The following STAG1 variants were observed in gnomAD, a reference collection of about 807,000 sequenced individuals.
STAG1 encodes cohesin subunit SA-1.
STAG1 carries 26 observed loss-of-function variants against 170.9 expected under a neutral mutation model. That is an observed-to-expected ratio of 0.15 (90% confidence interval 0.11 to 0.21). STAG1 has a LOEUF of 0.21. STAG1 is among the 10% of genes least tolerant of loss of function. STAG1 has a pLI of 1.00. For synonymous variants in STAG1, 514 were observed against 497.7 expected, an observed-to-expected ratio of 1.03 and a Z score of -0.44; for missense variants, 964 against 1,509.5, an observed-to-expected ratio of 0.64 and a Z score of 5.99.
intron 1 of STAG1, among the ~76,000 whole-genome samples, chr3:136,727,391 C>T (rs1158588572): frequency 2.0e-5 from 3 of 152,098 alleles, no homozygotes; most frequent in African/African-American, 4.8e-5. Context: ...ACATCTTTGC[C>T]ATATTCTCTG....
In STAG1 at chr3:136,487,102, T is replaced by C. The variant is rs563745179; in HGVS notation, c.903-9690A>G. On this transcript the variant is annotated intron_variant, in intron 9 of 33. Coordinates refer to ENST00000383202, the MANE Select transcript of STAG1 (RefSeq NM_005862.3). ...GTGCCATGGTGGTCTGCTGCACCTA[T>C]TGACCCGTCCTCTAAGTTCCCTCCC... Among the ~76,000 whole-genome samples the C allele has an allele frequency of 1.1e-4, 16 of 150,504 alleles. No individual in the cohort carries two copies. The South Asian group carries it at 2.8e-3, about 26-fold the overall frequency.
chr3:136,505,242 T>C (rs1458906038), intron 7 of STAG1, among the ~76,000 whole-genome samples: 2 of 152,230 alleles, frequency 1.3e-5, no homozygotes, highest in African/African-American at 2.4e-5. Context: ...CATCAGCTCT[T>C]AAGTGGCTTC....
chr3:136,389,119 T>C (rs1225584241), intron 22 of STAG1, among the ~76,000 whole-genome samples: 3 of 152,190 alleles, frequency 2.0e-5, no homozygotes, highest in Admixed American at 6.5e-5. Flanking sequence ...AACATATTTT[T>C]ACAATGTAAT....
At chr3:136,416,048 C>T (rs905145834) in intron 21 of STAG1, among the ~76,000 whole-genome samples, 3 of 151,914 alleles carry the variant, frequency 2.0e-5, no homozygotes, top group African/African-American at 7.3e-5. Flanking sequence ...TTGCTCATCG[C>T]CCAGGCTGGA....
Position 136,420,315 on chromosome 3 carries a change from A to G in STAG1, c.2108+778T>C, listed in dbSNP as rs1415789454. 2.6e-5 allele frequency among the ~76,000 whole-genome samples: 4 copies of G among 152,092 alleles called. No homozygotes were observed. In the East Asian group the frequency reaches 7.7e-4, roughly 29 times the overall value. ...ATAATCATCTAGAGAAAACTGAATA[A>G]AGGAAAAACATATCTCAATATTCTC... On this transcript the variant is annotated intron_variant, in intron 20 of 33. Transcript: ENST00000383202.
intron 12 of STAG1, among the ~76,000 whole-genome samples, chr3:136,468,735 C>G (rs1460415169): frequency 6.6e-6 from 1 of 152,174 alleles, no homozygotes; most frequent in Non-Finnish European, 1.5e-5. Flanking sequence ...CAAATATCCT[C>G]AATAAAATAC....
At chr3:136,447,923 C>A (rs1300916565) in intron 14 of STAG1, among the ~76,000 whole-genome samples, 1 of 152,078 alleles carries the variant, frequency 6.6e-6, no homozygotes, top group Non-Finnish European at 1.5e-5. Context: ...GGCTGCATCA[C>A]ACTTTTTATA....
At chr3:136,667,535 G>C (rs1164044344) in intron 1 of STAG1, among the ~76,000 whole-genome samples, 2 of 152,076 alleles carry the variant, frequency 1.3e-5, no homozygotes, top group Non-Finnish European at 2.9e-5. Flanking sequence ...TTTTCATTTT[G>C]TGCATTTCTG....
At chr3:136,615,873 A>G (rs1939569431) in intron 3 of STAG1, among the ~76,000 whole-genome samples, 1 of 152,212 alleles carries the variant, frequency 6.6e-6, no homozygotes, top group Non-Finnish European at 1.5e-5. Context: ...CAAAGGTAGG[A>G]AGCTAACAGT....
intron 7 of STAG1, among the ~76,000 whole-genome samples, chr3:136,506,680 G>C (rs938556254): frequency 6.7e-6 from 1 of 148,842 alleles, no homozygotes; most frequent in African/African-American, 2.5e-5. Flanking sequence ...AAAAGAAAAA[G>C]AATATACTGC....
At chr3:136,346,641 A>C (rs1375796526) in intron 29 of STAG1, among the ~76,000 whole-genome samples, 1 of 152,244 alleles carries the variant, frequency 6.6e-6, no homozygotes, top group Non-Finnish European at 1.5e-5. Flanking sequence ...AACAGTGTTG[A>C]CTTATAAGAC....
rs1226024638 is a variant in STAG1, at chr3:136,587,448, G to A, written c.297+16861C>T. On this transcript the variant is annotated intron_variant, in intron 4 of 33. Transcript: ENST00000383202. Reference sequence around the variant, plus strand: ...CCAGCTACTCGGGAGGCTGAGGCAGGAGAATCGCTTGAACCTGGAAGGTGG... The same window carrying A: ...CCAGCTACTCGGGAGGCTGAGGCAGAAGAATCGCTTGAACCTGGAAGGTGG... Among the ~76,000 whole-genome samples the A allele has an allele frequency of 2.7e-5, 4 of 149,584 alleles. No individual in the cohort carries two copies. In the Admixed American group the frequency reaches 2.7e-4, roughly 10 times the overall value.
chr3:136,589,628 CAAAAAAAA>C (rs71626007), intron 4 of STAG1, among the ~76,000 whole-genome samples: 2 of 46,192 alleles, frequency 4.3e-5, no homozygotes, highest in African/African-American at 7.0e-5. Context: ...CAAAGGGAGC[CAAAAAAAA>C]AAAAAAAAAA....
At position 136,369,337 on chromosome 3, in the gene STAG1, C is replaced by A. The variant is rs1177091116; in HGVS notation, c.2371-55G>T. The A allele has an allele frequency of 1.1e-5, 15 of 1,385,716 alleles. No homozygotes were observed. The East Asian group carries it at 3.9e-4, about 36-fold the overall frequency. 85.8% of individuals were successfully genotyped at this position (1,385,716 alleles called of 1,614,324 possible). The stretch of plus-strand genomic sequence containing the variant: ...ATATTACACAAATATAACTACAAGT[C>A]AACATTAATGAAAATGTATGAAATT... On this transcript the variant is annotated intron_variant, in intron 23 of 33. Coordinates refer to ENST00000383202, the MANE Select transcript of STAG1 (RefSeq NM_005862.3).
At chr3:136,702,129 GAC>G (rs1553768603) in intron 1 of STAG1, among the ~76,000 whole-genome samples, 84 of 100,256 alleles carry the variant, frequency 8.4e-4, no homozygotes, top group African/African-American at 4.5e-3. Flanking sequence ...GAGACAGAGA[GAC>G]AGAGAGACAG....
At chr3:136,399,618 A>T (rs2087260590) in intron 21 of STAG1, among the ~76,000 whole-genome samples, 1 of 152,168 alleles carries the variant, frequency 6.6e-6, no homozygotes, top group African/African-American at 2.4e-5. Context: ...TATCATTGAT[A>T]AACTTTTACA....
chr3:136,659,145 C>T lies in STAG1; in HGVS notation c.-83-28164G>A, dbSNP rs138143385. Among the ~76,000 whole-genome samples, 13 of 152,148 alleles carry T rather than the reference C, an allele frequency of 8.5e-5. No homozygotes were observed. In the East Asian group the frequency reaches 1.4e-3, roughly 16 times the overall value. Reference sequence around the variant, plus strand: ...ACTTCAGAGAATAGAGCACAGAACGCGAGTGATAGCTGTGAAAGTGTTTCT... The same window carrying T: ...ACTTCAGAGAATAGAGCACAGAACGTGAGTGATAGCTGTGAAAGTGTTTCT... On this transcript the variant is annotated intron_variant, in intron 1 of 33. Coordinates refer to ENST00000383202, the MANE Select transcript of STAG1 (RefSeq NM_005862.3).
At chr3:136,749,451 T>C (rs746776608) in intron 1 of STAG1, among the ~76,000 whole-genome samples, 2 of 152,070 alleles carry the variant, frequency 1.3e-5, no homozygotes, top group Non-Finnish European at 2.9e-5. Context: ...AGTAGTGACC[T>C]TGAAAGACAA....
intron 22 of STAG1, among the ~76,000 whole-genome samples, chr3:136,387,382 T>C (rs1003333680): frequency 2.0e-5 from 3 of 152,212 alleles, no homozygotes; most frequent in Non-Finnish European, 4.4e-5. Context: ...GGAGACAAAC[T>C]GTATTATGTT....
Sources: gnomAD v4.1 joint callset for allele counts (sites outside exome capture counted in the v4.1 genomes callset) on GRCh38, gnomAD v4.1.1 for gene constraint, MANE v1.5 for transcripts, NCBI Gene and HGNC (gene_info 2026-07-23, HGNC 2026-07-21) for gene names.